ZNF264: variants seen among roughly 807,000 people sequenced by gnomAD.
ZNF264 encodes the protein zinc finger protein 264.
Under a neutral mutation model 11.2 loss-of-function variants are expected in ZNF264, and 11 were observed. The observed-to-expected ratio is 0.98, with a 90% CI of 0.62 to 1.63. ZNF264 has a LOEUF of 1.63. Among genes scored for constraint, ZNF264 ranks in the 40% most tolerant of loss-of-function variants. ZNF264 has a pLI of 0.00. For missense variants in ZNF264, 752 were observed against 768.1 expected (o/e 0.98, Z 0.25); for synonymous variants, 309 against 279.8 (o/e 1.10, Z -1.04).
rs918246748 is a variant in ZNF264, at chr19:57,212,496, C to T, written c.1399C>T (p.Arg467Trp). Residue 467 changes from arginine (R) to tryptophan (W), a missense_variant, in exon 4 of 4, where the codon CGG becomes TGG. By Grantham distance (101) the Arg-to-Trp change is moderately radical (BLOSUM62 -3). Coordinates refer to ENST00000263095, the MANE Select transcript of ZNF264 (RefSeq NM_003417.5). ...CKECGKAFSNRKDLIRHFSIH... is the reference protein window; with the variant it reads ...CKECGKAFSNWKDLIRHFSIH... The stretch of plus-strand genomic sequence containing the variant: ...AGAGTGTGGGAAAGCCTTTAGCAAT[C>T]GGAAGGACCTCATTCGCCACTTCAG... The T allele has an allele frequency of 9.9e-6, 16 of 1,610,922 alleles. No individual in the cohort carries two copies. Among genetic ancestry groups the T allele is most frequent in the Middle Eastern group, 1.7e-4 (1 of 6,036 alleles).
intron 1 of ZNF264, chr19:57,192,515 C>A (rs537107507): frequency 1.5e-5 from 15 of 985,356 alleles, no homozygotes; most frequent in Middle Eastern, 5.2e-4. Flanking sequence ...CCCAAAGTAT[C>A]CTGGCGTCAG....
In ZNF264 at chr19:57,215,722, A is replaced by ATTAAATGTTTTCATCCCACAAG. The variant is rs1555766467; in HGVS notation, c.*2743_*2744insAAATGTTTTCATCCCACAAGTT. On this transcript the variant is annotated 3_prime_UTR_variant, in exon 4 of 4. Transcript: ENST00000263095. ...CCACAAGTTTTAATGTTTTCATTACATTTTAATTCTAATAGTTTTTATTTT... is the reference window on the plus strand; with the variant it reads ...CCACAAGTTTTAATGTTTTCATTACATTAAATGTTTTCATCCCACAAGTTTTAATTCTAATAGTTTTTATTTT... 1.3e-5 allele frequency: 2 copies of ATTAAATGTTTTCATCCCACAAG among 152,112 alleles called. No individual in the cohort carries two copies. The highest frequency in any genetic ancestry group is 2.9e-5 in the Non-Finnish European group (2 of 68,004). 9.4% of individuals were successfully genotyped at this position (152,112 alleles called of 1,614,324 possible). A position where few individuals can be genotyped will look rare whatever the true frequency, so the allele number is the denominator to read the frequency against.
In ZNF264 at chr19:57,213,177, A is replaced by G. The variant is rs2087354469; in HGVS notation, c.*196A>G. ...ATTTTATCTCAGGAATTATTTTTAAAAGGAGGAGGGGACATAGAAAAAATG... is the reference window on the plus strand; with the variant it reads ...ATTTTATCTCAGGAATTATTTTTAAGAGGAGGAGGGGACATAGAAAAAATG... On this transcript the variant is annotated 3_prime_UTR_variant, in exon 4 of 4. Transcript: ENST00000263095. 1 of 501,272 alleles carries G rather than the reference A, an allele frequency of 2.0e-6. No homozygotes were observed. The highest frequency in any genetic ancestry group is 4.5e-5 in the South Asian group (1 of 22,184). The allele number at this position is 501,272 out of a possible 1,614,324, so 31.1% of individuals were successfully genotyped here.
At chr19:57,208,765 T>A (rs570898197) in intron 3 of ZNF264, among the ~76,000 whole-genome samples, 6 of 152,302 alleles carry the variant, frequency 3.9e-5, no homozygotes, top group African/African-American at 1.4e-4. Context: ...TCATTCCCTT[T>A]GTTTTCTAAA....
chr19:57,195,066 G>C (rs988982307), intron 2 of ZNF264: 5 of 361,718 alleles, frequency 1.4e-5, no homozygotes, highest in Non-Finnish European at 2.5e-5. Flanking sequence ...CACCTAGCTG[G>C]ACCTAGCTGT....
chr19:57,193,387 C>T (rs1244350291), intron 1 of ZNF264: 1 of 480,842 alleles, frequency 2.1e-6, no homozygotes, highest in Non-Finnish European at 2.7e-6. Flanking sequence ...ATCCAGAAAT[C>T]AAGGCTCAGA....
intron 2 of ZNF264, among the ~76,000 whole-genome samples, chr19:57,197,641 TG>T: frequency 6.6e-6 from 1 of 152,116 alleles, no homozygotes; most frequent in South Asian, 2.1e-4. Context: ...GGCAGCCATT[TG>T]GGTCACTCGA....
Position 57,211,402 on chromosome 19 carries a change from C to A in ZNF264, c.305C>A (p.Ala102Asp). 1.2e-6 allele frequency: 2 copies of A among 1,614,012 alleles called. No homozygotes were observed. The highest frequency in any genetic ancestry group is 1.1e-5 in the South Asian group (1 of 91,072). ...KTTEPTTCEP[A>D]LSEGISLQGQ... ...ACAGAACCTACCACTTGTGAGCCAG[C>A]CTTGTCAGAGGGAATCTCACTTCAG... Residue 102 changes from alanine (A) to aspartate (D), a missense_variant, in exon 4 of 4, where the codon GCC becomes GAC. Physicochemically the swap from Ala to Asp is moderately radical, Grantham distance 126. Coordinates refer to ENST00000263095, the MANE Select transcript of ZNF264 (RefSeq NM_003417.5).
chr19:57,212,082 G>T lies in ZNF264; in HGVS notation c.985G>T (p.Gly329Cys). ...ECGQVFRHRPGFLRHYVVHSG... is the reference protein window; with the variant it reads ...ECGQVFRHRPCFLRHYVVHSG... ...TGGCCAAGTCTTTCGACATAGGCCAGGCTTTCTCCGGCACTATGTTGTCCA... is the reference window on the plus strand; with the variant it reads ...TGGCCAAGTCTTTCGACATAGGCCATGCTTTCTCCGGCACTATGTTGTCCA... Residue 329 changes from glycine (G) to cysteine (C), a missense_variant, in exon 4 of 4, where the codon GGC becomes TGC. Gly to Cys is a radical substitution (Grantham distance 159). Transcript: ENST00000263095. 1 of 1,614,118 alleles carries T rather than the reference G, an allele frequency of 6.2e-7. No homozygotes were observed. The highest frequency in any genetic ancestry group is 1.7e-4 in the Middle Eastern group (1 of 6,060).
chr19:57,204,955 G>A (rs1419095104), intron 2 of ZNF264, among the ~76,000 whole-genome samples: 1 of 152,010 alleles, frequency 6.6e-6, no homozygotes, highest in East Asian at 1.9e-4. Context: ...TCCTGATCCT[G>A]GGTTTCTTTG....
rs1165565038 is a variant in ZNF264, at chr19:57,212,533, G to C, written c.1436G>C (p.Gly479Ala). 2.5e-6 allele frequency: 4 copies of C among 1,614,190 alleles called. No individual in the cohort carries two copies. Among genetic ancestry groups the C allele is most frequent in the Non-Finnish European group, 3.4e-6 (4 of 1,180,032 alleles). The change falls in exon 4 of 4, where the codon GGA (glycine) becomes GCA (alanine). Residue 479 changes from glycine to alanine, a missense_variant. Gly to Ala is a moderately conservative substitution (Grantham distance 60). Coordinates refer to ENST00000263095, the MANE Select transcript of ZNF264 (RefSeq NM_003417.5). ...DLIRHFSIHT[G>A]EKPYECVECG... The stretch of plus-strand genomic sequence containing the variant: ...ATTCGCCACTTCAGCATCCACACTG[G>C]AGAGAAGCCCTATGAGTGCGTGGAG...
In ZNF264 at chr19:57,213,917, G is replaced by C. The variant is rs2087360429; in HGVS notation, c.*936G>C. The C allele has an allele frequency of 6.6e-6, 1 of 152,104 alleles. No homozygotes were observed. The highest frequency in any genetic ancestry group is 6.5e-5 in the Admixed American group (1 of 15,284). The allele number at this position is 152,104 out of a possible 1,614,324, so 9.4% of individuals were successfully genotyped here. A position where few individuals can be genotyped will look rare whatever the true frequency, so the allele number is the denominator to read the frequency against. ...TAATGTTAAAAATTTTCAGCGTATA[G>C]ATCCCTATGCATTTTTGTTAGAATT... On this transcript the variant is annotated 3_prime_UTR_variant, in exon 4 of 4. Transcript: ENST00000263095.
chr19:57,207,285 T>C (rs944774771), intron 3 of ZNF264, among the ~76,000 whole-genome samples: 2 of 152,312 alleles, frequency 1.3e-5, no homozygotes, highest in African/African-American at 2.4e-5. Flanking sequence ...TGTCTCAGCA[T>C]GTGAGTGCTG....
rs890971930 is a variant in ZNF264, at chr19:57,218,457, A to G, written c.*5476A>G. The G allele has an allele frequency of 1.3e-5, 2 of 152,238 alleles. No homozygotes were observed. The highest frequency in any genetic ancestry group is 1.3e-4 in the Admixed American group (2 of 15,282). 9.4% of individuals were successfully genotyped at this position (152,238 alleles called of 1,614,324 possible). ...GCGTGGCATGGAAGTTTTTGGGTGT[A>G]TTCTATTTGGCGCTCCCTGGTGCTT... On this transcript the variant is annotated 3_prime_UTR_variant, in exon 4 of 4. Coordinates refer to ENST00000263095, the MANE Select transcript of ZNF264 (RefSeq NM_003417.5).
chr19:57,199,288 G>A (rs2087234475), intron 2 of ZNF264, among the ~76,000 whole-genome samples: 1 of 151,954 alleles, frequency 6.6e-6, no homozygotes, highest in Admixed American at 6.5e-5. Flanking sequence ...CAAAGATGCA[G>A]GTGCTGCCCT....
At position 57,222,583 on chromosome 19, in the gene ZNF264, A is replaced by ACACG. The variant is rs1181626409; in HGVS notation, c.*9605_*9606insGCAC. ...ACCACTTCAAGCTACACACACACACACACATATACACGTGTATGAATATAT... is the reference window on the plus strand; with the variant it reads ...ACCACTTCAAGCTACACACACACACACACGCACATATACACGTGTATGAATATAT... On this transcript the variant is annotated 3_prime_UTR_variant, in exon 4 of 4. Transcript: ENST00000263095. 1.3e-5 allele frequency: 2 copies of ACACG among 151,544 alleles called. No homozygotes were observed. The highest frequency in any genetic ancestry group is 4.9e-5 in the African/African-American group (2 of 41,152). 9.4% of individuals were successfully genotyped at this position (151,544 alleles called of 1,614,324 possible). A position where few individuals can be genotyped will look rare whatever the true frequency, so the allele number is the denominator to read the frequency against.
chr19:57,202,447 T>C (rs7259268), intron 2 of ZNF264, among the ~76,000 whole-genome samples: 73,402 of 151,610 alleles, frequency 0.48, 18,671 homozygotes, highest in African/African-American at 0.59. Context: ...TCATAACCCC[T>C]ATAGCCCTTT....
At chr19:57,199,105 T>A (rs2087232991) in intron 2 of ZNF264, among the ~76,000 whole-genome samples, 1 of 151,942 alleles carries the variant, frequency 6.6e-6, no homozygotes, top group Admixed American at 6.6e-5. Flanking sequence ...CTATTCTGAT[T>A]GCTGCTTTGT....
rs913362276 is a variant in ZNF264, at chr19:57,195,073, C to G, written c.160+1072C>G. The G allele has an allele frequency of 1.4e-5, 5 of 354,990 alleles. No homozygotes were observed. In the East Asian group the frequency reaches 2.0e-4, roughly 15 times the overall value. The allele number at this position is 354,990 out of a possible 1,614,324, so 22.0% of individuals were successfully genotyped here. A position where few individuals can be genotyped will look rare whatever the true frequency, so the allele number is the denominator to read the frequency against. ...GGGCCAGGCACCTAGCTGGACCTAG[C>G]TGTTAACCATCACAACTCCATCCCT... On this transcript the variant is annotated intron_variant, in intron 2 of 3. Transcript: ENST00000263095.
Sources: allele counts gnomAD v4.1 joint callset (sites outside exome capture counted in the v4.1 genomes callset), GRCh38; gene constraint gnomAD v4.1.1; transcripts MANE v1.5; gene names NCBI Gene and HGNC (gene_info 2026-07-23, HGNC 2026-07-21).